Variants in PCED1B observed in about 807,000 individuals in gnomAD.
The protein encoded by PCED1B is PC-esterase domain-containing protein 1B.
For synonymous variants in PCED1B, 251 were observed against 246.1 expected, an observed-to-expected ratio of 1.02 and a Z score of -0.19; for missense variants, 573 against 573.9, an observed-to-expected ratio of 1.00 and a Z score of 0.02.
intron 1 of PCED1B, among the ~76,000 whole-genome samples, chr12:47,099,384 C>T (rs991953288): frequency 9.2e-5 from 14 of 152,306 alleles, no homozygotes; most frequent in Admixed American, 6.5e-4. Flanking sequence ...TGCCACACTC[C>T]GCACACCACA....
In PCED1B at chr12:47,183,129, A is replaced by T. The variant is rs1441562044; in HGVS notation, c.-525-33093A>T. Among the ~76,000 whole-genome samples, 3 of 152,290 alleles carry T rather than the reference A, an allele frequency of 2.0e-5. No individual in the cohort carries two copies. The East Asian group carries it at 5.8e-4, about 29-fold the overall frequency. On this transcript the variant is annotated intron_variant, in intron 2 of 3. Coordinates refer to ENST00000546455, the MANE Select transcript of PCED1B (RefSeq NM_138371.3). ...CAAATAACATATCTGATATCTTGGGAGTGTTAGCTACCCAATTAGGGAATG... is the reference window on the plus strand; with the variant it reads ...CAAATAACATATCTGATATCTTGGGTGTGTTAGCTACCCAATTAGGGAATG...
At chr12:47,082,768 T>A (rs939095653) in intron 1 of PCED1B, among the ~76,000 whole-genome samples, 1 of 152,138 alleles carries the variant, frequency 6.6e-6, no homozygotes, top group African/African-American at 2.4e-5. Context: ...AAGGTTCTAT[T>A]TGAAGGATTT....
intron 3 of PCED1B, among the ~76,000 whole-genome samples, chr12:47,231,870 C>T (rs1033568482): frequency 4.6e-5 from 7 of 152,070 alleles, no homozygotes; most frequent in Admixed American, 1.3e-4. Flanking sequence ...GCATGGGAGC[C>T]CTGAAAACAC....
intron 2 of PCED1B, among the ~76,000 whole-genome samples, chr12:47,201,746 G>A (rs550421095): frequency 1.3e-5 from 2 of 152,178 alleles, no homozygotes; most frequent in African/African-American, 4.8e-5. Context: ...CTACAGGTGT[G>A]CACAACCACA....
intron 3 of PCED1B, among the ~76,000 whole-genome samples, chr12:47,226,481 C>T (rs1036307446): frequency 2.0e-5 from 3 of 152,210 alleles, no homozygotes; most frequent in Non-Finnish European, 2.9e-5. Flanking sequence ...TCAGGCAATT[C>T]TCCTGCCTCA....
At chr12:47,231,725 C>A (rs1165976191) in intron 3 of PCED1B, among the ~76,000 whole-genome samples, 2 of 152,174 alleles carry the variant, frequency 1.3e-5, no homozygotes, top group Non-Finnish European at 2.9e-5. Context: ...CCAGAAGTAA[C>A]ACTGTAGCAG....
chr12:47,100,168 C>T (rs1204199046), intron 1 of PCED1B, among the ~76,000 whole-genome samples: 1 of 152,042 alleles, frequency 6.6e-6, no homozygotes, highest in African/African-American at 2.4e-5. Context: ...CTGTGATTAC[C>T]GTTTTATTTC....
At position 47,235,755 on chromosome 12, in the gene PCED1B, A is replaced by C. The variant is rs1338264127; in HGVS notation, c.692A>C (p.His231Pro). 4.4e-6 allele frequency: 7 copies of C among 1,597,822 alleles called. No homozygotes were observed. Among genetic ancestry groups the C allele is most frequent in the Non-Finnish European group, 6.0e-6 (7 of 1,172,612 alleles). Residue 231 changes from histidine (H) to proline (P), a missense_variant, in exon 4 of 4, where the codon CAC (histidine) becomes CCC (proline). By Grantham distance (77) the His-to-Pro change is moderately conservative. Coordinates refer to ENST00000546455, the MANE Select transcript of PCED1B (RefSeq NM_138371.3). ...ARENLHWDGV[H>P]WNGRVHRCLS... ...GAGAACCTGCACTGGGACGGGGTGC[A>C]CTGGAATGGACGTGTGCACCGCTGC...
At chr12:47,135,813 G>C in intron 2 of PCED1B, 3 of 489,506 alleles carry the variant, frequency 6.1e-6, no homozygotes, top group South Asian at 4.7e-5. Flanking sequence ...CCCCAGCACA[G>C]CCACCTCATG....
At chr12:47,116,570 T>C (rs1939431031) in intron 2 of PCED1B, among the ~76,000 whole-genome samples, 1 of 152,196 alleles carries the variant, frequency 6.6e-6, no homozygotes. Flanking sequence ...GTCCCAACTT[T>C]ATAATAATTC....
chr12:47,220,463 T>C (rs748265785), intron 3 of PCED1B, among the ~76,000 whole-genome samples: 1 of 152,192 alleles, frequency 6.6e-6, no homozygotes, highest in Non-Finnish European at 1.5e-5. Flanking sequence ...TGAGCCACTA[T>C]GCCCAGCCAA....
At chr12:47,224,973 C>T (rs777375004) in intron 3 of PCED1B, among the ~76,000 whole-genome samples, 3 of 152,120 alleles carry the variant, frequency 2.0e-5, no homozygotes, top group Non-Finnish European at 4.4e-5. Context: ...ACGCTGTCGC[C>T]CAGGCTGGAG....
intron 2 of PCED1B, among the ~76,000 whole-genome samples, chr12:47,175,161 A>G (rs1396564767): frequency 6.6e-6 from 1 of 152,216 alleles, no homozygotes; most frequent in Non-Finnish European, 1.5e-5. Context: ...AAAGAGGTAG[A>G]ATTGCTAGTT....
intron 1 of PCED1B, among the ~76,000 whole-genome samples, chr12:47,096,906 T>TAAGACTG (rs1274623268): frequency 1.3e-5 from 2 of 152,232 alleles, no homozygotes; most frequent in Non-Finnish European, 2.9e-5. Flanking sequence ...AGTAGATATG[T>TAAGACTG]AAGACTGTAT....
intron 1 of PCED1B, among the ~76,000 whole-genome samples, chr12:47,085,399 A>G (rs181728491): frequency 1.3e-5 from 2 of 152,338 alleles, no homozygotes; most frequent in East Asian, 1.9e-4. Flanking sequence ...TTGCTACTTC[A>G]GGAAAAGTAA....
intron 2 of PCED1B, among the ~76,000 whole-genome samples, chr12:47,169,297 CA>C (rs765104286): frequency 5.3e-5 from 8 of 152,164 alleles, no homozygotes; most frequent in Non-Finnish European, 1.0e-4. Context: ...AACATCCCTC[CA>C]TCTTCCCATC....
intron 1 of PCED1B, among the ~76,000 whole-genome samples, chr12:47,102,880 G>A (rs528080207): frequency 1.3e-5 from 2 of 152,280 alleles, no homozygotes; most frequent in African/African-American, 4.8e-5. Context: ...TTTTCCTTTA[G>A]CCATTTTTGC....
chr12:47,129,801 G>C (rs1027071786), intron 2 of PCED1B, among the ~76,000 whole-genome samples: 15 of 152,200 alleles, frequency 9.9e-5, no homozygotes, highest in African/African-American at 3.6e-4. Flanking sequence ...AACTCCGAGG[G>C]ACCCCAGTGG....
chr12:47,235,141 T>C lies in PCED1B; in HGVS notation c.78T>C (p.His26=), dbSNP rs908578266. ...KFVVILGDSV[H]RAVYKDLVLL... is the part of the protein sequence containing the mutation. ...TGGTCATCCTGGGGGACTCTGTGCA[T>C]AGGGCAGTATACAAGGACCTGGTGC... Residue 26 remains histidine, a synonymous_variant, in exon 4 of 4, where the codon CAT becomes CAC. Transcript: ENST00000546455. The C allele has an allele frequency of 1.3e-6, 2 of 1,565,914 alleles. No individual in the cohort carries two copies. Among genetic ancestry groups the C allele is most frequent in the Middle Eastern group, 1.7e-4 (1 of 5,796 alleles).
Sources: gnomAD v4.1 joint callset for allele counts (sites outside exome capture counted in the v4.1 genomes callset) on GRCh38, gnomAD v4.1.1 for gene constraint, MANE v1.5 for transcripts, NCBI Gene and HGNC (gene_info 2026-07-23, HGNC 2026-07-21) for gene names.